Variants in BRAF observed in about 807,000 individuals in gnomAD.
The protein encoded by BRAF is serine/threonine-protein kinase B-raf.
A neutral mutation model predicts 104.6 loss-of-function variants in BRAF; 16 were observed. The observed-to-expected ratio is 0.15, with a 90% CI of 0.10 to 0.23. BRAF has a LOEUF of 0.23. BRAF is among the 10% of genes least tolerant of loss of function. The pLI is 1.00. For missense variants in BRAF, 541 were observed against 937.3 expected, an observed-to-expected ratio of 0.58 and a Z score of 5.52; for synonymous variants, 310 against 341.6, an observed-to-expected ratio of 0.91 and a Z score of 1.02.
intron 1 of BRAF, among the ~76,000 whole-genome samples, chr7:140,905,542 C>A (rs1032841820): frequency 6.6e-6 from 1 of 152,098 alleles, no homozygotes; most frequent in African/African-American, 2.4e-5. Context: ...TCCTTATAAA[C>A]CCCATATAAC....
chr7:140,760,708 C>A (rs1315032357), intron 14 of BRAF, among the ~76,000 whole-genome samples: 3 of 151,778 alleles, frequency 2.0e-5, no homozygotes, highest in Non-Finnish European at 4.4e-5. Context: ...GCTGATGGGG[C>A]TGAAAGCCAA....
At chr7:140,854,363 T>C (rs1365513193) in intron 1 of BRAF, among the ~76,000 whole-genome samples, 1 of 152,202 alleles carries the variant, frequency 6.6e-6, no homozygotes, top group Non-Finnish European at 1.5e-5. Flanking sequence ...GTCTTAGTCA[T>C]AATAGGTATG....
chr7:140,889,478 A>G (rs1401083678), intron 1 of BRAF, among the ~76,000 whole-genome samples: 2 of 152,172 alleles, frequency 1.3e-5, no homozygotes, highest in African/African-American at 4.8e-5. Flanking sequence ...AATAAAACAG[A>G]TATCTACTAG....
chr7:140,772,923 T>A (rs987068569), intron 14 of BRAF, among the ~76,000 whole-genome samples: 1 of 152,200 alleles, frequency 6.6e-6, no homozygotes, highest in African/African-American at 2.4e-5. Flanking sequence ...TCCTTTTAAA[T>A]TAACATTTAA....
intron 1 of BRAF, among the ~76,000 whole-genome samples, chr7:140,870,348 A>C (rs1295774173): frequency 6.6e-6 from 1 of 152,228 alleles, no homozygotes; most frequent in East Asian, 1.9e-4. Flanking sequence ...AAGACTTCTA[A>C]AAGAGAAATT....
intron 2 of BRAF, among the ~76,000 whole-genome samples, chr7:140,847,052 G>A (rs1186666036): frequency 6.6e-6 from 1 of 152,084 alleles, no homozygotes; most frequent in Admixed American, 6.5e-5. Context: ...CTACTTGAGA[G>A]GCTGACGCAG....
chr7:140,885,931 TACTC>T (rs1178958021), intron 1 of BRAF, among the ~76,000 whole-genome samples: 1 of 152,204 alleles, frequency 6.6e-6, no homozygotes, highest in Non-Finnish European at 1.5e-5. Context: ...ATGTTCATGA[TACTC>T]ACTGTAATAG....
At chr7:140,787,703 T>C (rs928624906) in intron 8 of BRAF, 119 bp from the exon 9 acceptor site, 1 of 833,040 alleles carries the variant, frequency 1.2e-6, no homozygotes, top group South Asian at 1.6e-5. Flanking sequence ...ACAATACATC[T>C]TATAACTATT....
At chr7:140,913,926 T>C (rs1239237106) in intron 1 of BRAF, among the ~76,000 whole-genome samples, 1 of 152,230 alleles carries the variant, frequency 6.6e-6, no homozygotes, top group Non-Finnish European at 1.5e-5. Context: ...TGCCACTTCA[T>C]GTTTCTTTAA....
chr7:140,865,708 T>G (rs913197761), intron 1 of BRAF, among the ~76,000 whole-genome samples: 1 of 152,220 alleles, frequency 6.6e-6, no homozygotes, highest in Non-Finnish European at 1.5e-5. Context: ...CTTTTAAGTC[T>G]TTTAAGGAAA....
intron 1 of BRAF, among the ~76,000 whole-genome samples, chr7:140,854,614 C>T (rs1429568888): frequency 6.6e-6 from 1 of 151,854 alleles, no homozygotes; most frequent in African/African-American, 2.4e-5. Context: ...AGAGAATGAG[C>T]TGATTAGAAT....
intron 3 of BRAF, among the ~76,000 whole-genome samples, chr7:140,827,287 T>C (rs1332630032): frequency 6.6e-6 from 1 of 152,174 alleles, no homozygotes; most frequent in Admixed American, 6.5e-5. Context: ...AGTAAAGCAT[T>C]ATTTCTGTGA....
At chr7:140,775,892 G>GC (rs1483746151) in intron 14 of BRAF, among the ~76,000 whole-genome samples, 1 of 152,180 alleles carries the variant, frequency 6.6e-6, no homozygotes, top group Non-Finnish European at 1.5e-5. Flanking sequence ...TAGAGTCTTG[G>GC]CTCTATACTT....
chr7:140,747,724 T>C (rs947487542), intron 17 of BRAF, among the ~76,000 whole-genome samples: 6 of 152,112 alleles, frequency 3.9e-5, no homozygotes, highest in East Asian at 1.9e-4. Flanking sequence ...TGCTGTATGA[T>C]TGAATAAATA....
At chr7:140,806,600 T>C (rs938517085) in intron 5 of BRAF, among the ~76,000 whole-genome samples, 5 of 152,180 alleles carry the variant, frequency 3.3e-5, no homozygotes, top group Non-Finnish European at 7.4e-5. Context: ...CTCCTCATAT[T>C]CAATTTCTAG....
intron 1 of BRAF, among the ~76,000 whole-genome samples, chr7:140,871,116 C>G (rs1348326006): frequency 6.8e-6 from 1 of 146,132 alleles, no homozygotes; most frequent in African/African-American, 2.4e-5. Context: ...GTGACACGTG[C>G]CTGTAGTACC....
At chr7:140,849,153 T>C (rs533280673) in intron 2 of BRAF, among the ~76,000 whole-genome samples, 1 of 152,158 alleles carries the variant, frequency 6.6e-6, no homozygotes, top group Non-Finnish European at 1.5e-5. Context: ...TAGTGAGCAG[T>C]GTGGGCTGTA....
At chr7:140,772,164 T>C (rs1799907224) in intron 14 of BRAF, among the ~76,000 whole-genome samples, 1 of 152,124 alleles carries the variant, frequency 6.6e-6, no homozygotes, top group Non-Finnish European at 1.5e-5. Context: ...TTAAAATCTG[T>C]TACAAAATCA....
At chr7:140,776,475 G>A (rs759690757) in intron 14 of BRAF, among the ~76,000 whole-genome samples, 17 of 152,128 alleles carry the variant, frequency 1.1e-4, no homozygotes, top group Non-Finnish European at 1.9e-4. Context: ...TCCTCAAAAA[G>A]GGTCAGAATG....
Sources: gnomAD v4.1 joint callset for allele counts (sites outside exome capture counted in the v4.1 genomes callset) on GRCh38, gnomAD v4.1.1 for gene constraint, MANE v1.5 for transcripts, NCBI Gene and HGNC (gene_info 2026-07-23, HGNC 2026-07-21) for gene names.